Variants in AGMO observed in about 807,000 individuals in gnomAD.
The protein encoded by AGMO is glyceryl-ether monooxygenase.
In AGMO, 75 loss-of-function variants were observed where a neutral mutation model predicts 60.2. That is an observed-to-expected ratio of 1.25 (90% CI 1.03 to 1.51). The LOEUF (loss-of-function observed/expected upper bound fraction) is 1.51. AGMO is among the 40% of genes most tolerant of loss of function. The probability of loss-of-function intolerance (pLI) is 0.00; values close to 1 mark genes in which losing one functional copy is unlikely to be tolerated. For missense variants in AGMO, 763 were observed against 525.5 expected (o/e 1.45, Z -4.42); for synonymous variants, 261 against 177.1 (o/e 1.47, Z -3.76).
rs1284764608 is a variant in AGMO, at chr7:15,354,508, A to ACG, written c.1263+11005_1263+11006insCG. Among the ~76,000 whole-genome samples, 5 of 66,172 alleles carry ACG rather than the reference A, an allele frequency of 7.6e-5. 1 individual carries two copies. The highest frequency in any genetic ancestry group is 1.2e-4 in the Non-Finnish European group (4 of 34,524). The allele number at this position is 66,172 out of a possible 152,430, so 43.4% of individuals were successfully genotyped here. A position where few individuals can be genotyped will look rare whatever the true frequency, so the allele number is the denominator to read the frequency against. On this transcript the variant is annotated intron_variant, in intron 12 of 12. Transcript: ENST00000342526. Reference sequence around the variant, plus strand: ...TATATACACACGTGTATATATATATATATATATATATATATATATATATAT... The same window carrying ACG: ...TATATACACACGTGTATATATATATACGTATATATATATATATATATATATAT...
chr7:15,334,457 T>C (rs961096904), intron 12 of AGMO, among the ~76,000 whole-genome samples: 4 of 152,032 alleles, frequency 2.6e-5, no homozygotes, highest in African/African-American at 9.7e-5. Flanking sequence ...AAAACGTAGG[T>C]GATTAGAAAA....
intron 8 of AGMO, 94 bp downstream of exon 8, chr7:15,390,577 A>G (rs748701178): frequency 8.9e-6 from 9 of 1,014,066 alleles, no homozygotes; most frequent in Non-Finnish European, 1.3e-5. Flanking sequence ...GGTTAGTGTA[A>G]TATACTTTCA....
intron 12 of AGMO, among the ~76,000 whole-genome samples, chr7:15,228,514 C>T (rs1394083469): frequency 1.3e-5 from 2 of 151,776 alleles, no homozygotes; most frequent in African/African-American, 4.8e-5. Flanking sequence ...ACTGAAACAG[C>T]CAGAGTACAC....
chr7:15,152,780 T>C, the AGMO span, among the ~76,000 whole-genome samples: 2 of 152,190 alleles, frequency 1.3e-5, no homozygotes, highest in Non-Finnish European at 2.9e-5. Flanking sequence ...ATTTTTGCAA[T>C]TGCAAACTAT....
chr7:15,543,920 C>T (rs758145525), intron 3 of AGMO, among the ~76,000 whole-genome samples: 2 of 151,720 alleles, frequency 1.3e-5, no homozygotes, highest in East Asian at 2.0e-4. Flanking sequence ...TACCTTCCTA[C>T]CAACGGTATA....
At chr7:15,384,259 G>C (rs1355176026) in intron 10 of AGMO, among the ~76,000 whole-genome samples, 1 of 152,064 alleles carries the variant, frequency 6.6e-6, no homozygotes, top group Admixed American at 6.6e-5. Flanking sequence ...ATCTTTTAAT[G>C]CACTAGTTTA....
intron 3 of AGMO, among the ~76,000 whole-genome samples, chr7:15,537,577 T>C (rs549980416): frequency 6.6e-6 from 1 of 152,244 alleles, no homozygotes; most frequent in East Asian, 1.9e-4. Flanking sequence ...GTTCTCCTAA[T>C]TATTCCTGGA....
intron 12 of AGMO, among the ~76,000 whole-genome samples, chr7:15,238,518 CAT>C (rs1478834997): frequency 1.3e-5 from 2 of 151,732 alleles, no homozygotes; most frequent in Non-Finnish European, 1.5e-5. Context: ...CAAAATATCA[CAT>C]GTGCTCCCAA....
At chr7:15,274,422 A>G (rs550953342) in intron 12 of AGMO, among the ~76,000 whole-genome samples, 1 of 152,256 alleles carries the variant, frequency 6.6e-6, no homozygotes, top group East Asian at 1.9e-4. Context: ...GATTACGTTT[A>G]TTGATTTGCG....
At chr7:15,419,714 A>C (rs1204721338) in intron 4 of AGMO, among the ~76,000 whole-genome samples, 1 of 151,856 alleles carries the variant, frequency 6.6e-6, no homozygotes, top group East Asian at 1.9e-4. Context: ...GCAATGGATT[A>C]GATTAGTGAG....
At chr7:15,443,028 C>A (rs1456938257) in intron 3 of AGMO, among the ~76,000 whole-genome samples, 1 of 152,208 alleles carries the variant, frequency 6.6e-6, no homozygotes, top group Non-Finnish European at 1.5e-5. Flanking sequence ...AAACCAACTT[C>A]CCACTCCATC....
intron 3 of AGMO, among the ~76,000 whole-genome samples, chr7:15,528,176 C>G (rs985844538): frequency 2.0e-5 from 3 of 151,962 alleles, no homozygotes. Flanking sequence ...TTATTGAAGG[C>G]CCTGATGATC....
At chr7:15,489,951 G>GA in intron 3 of AGMO, among the ~76,000 whole-genome samples, 1 of 152,228 alleles carries the variant, frequency 6.6e-6, no homozygotes, top group Non-Finnish European at 1.5e-5. Context: ...TTACTAAATG[G>GA]AAAAAAGTTA....
At chr7:15,541,195 T>G (rs1303390677) in intron 3 of AGMO, among the ~76,000 whole-genome samples, 4 of 152,200 alleles carry the variant, frequency 2.6e-5, no homozygotes, top group Non-Finnish European at 5.9e-5. Context: ...CGGTCTTGGC[T>G]CACTGCAACC....
At chr7:15,179,132 G>A in the AGMO span, among the ~76,000 whole-genome samples, 2 of 151,980 alleles carry the variant, frequency 1.3e-5, no homozygotes, top group Non-Finnish European at 2.9e-5. Flanking sequence ...CATTCCTTCC[G>A]AAACTCATGT....
intron 12 of AGMO, among the ~76,000 whole-genome samples, chr7:15,289,943 CTTTTTTTTTTTT>C (rs36074413): frequency 3.2e-5 from 1 of 31,366 alleles, no homozygotes; most frequent in Admixed American, 6.1e-4. Flanking sequence ...TTCCAGAAAT[CTTTTTTTTTTTT>C]TTTTTTTTTT....
chr7:15,215,692 A>T (rs572253700), intron 12 of AGMO, among the ~76,000 whole-genome samples: 1 of 152,090 alleles, frequency 6.6e-6, no homozygotes, highest in African/African-American at 2.4e-5. Flanking sequence ...GAGAATATCA[A>T]AGCTACCAAG....
intron 3 of AGMO, among the ~76,000 whole-genome samples, chr7:15,500,261 C>G (rs550185715): frequency 2.1e-4 from 32 of 151,812 alleles, no homozygotes; most frequent in Non-Finnish European, 4.0e-4. Context: ...TTTTGAGTGT[C>G]TGTCCCAGTC....
At chr7:15,215,081 A>C (rs534619045) in intron 12 of AGMO, among the ~76,000 whole-genome samples, 2 of 152,232 alleles carry the variant, frequency 1.3e-5, no homozygotes, top group East Asian at 3.9e-4. Context: ...TTATAAGTAG[A>C]GTAAGCTAAT....
Sources: gnomAD v4.1 joint callset for allele counts (sites outside exome capture counted in the v4.1 genomes callset) on GRCh38, gnomAD v4.1.1 for gene constraint, MANE v1.5 for transcripts, NCBI Gene and HGNC (gene_info 2026-07-23, HGNC 2026-07-21) for gene names.